DLG2: variants seen among roughly 807,000 people sequenced by gnomAD.
DLG2 encodes the protein disks large homolog 2.
In DLG2, 45 loss-of-function variants were observed where a neutral mutation model predicts 132.5. The ratio of observed to expected loss-of-function variants is 0.34; its 90% CI spans 0.27 to 0.44. The LOEUF is 0.44. Among genes scored for constraint, DLG2 ranks in the 20% least tolerant of loss-of-function variants. The pLI, the probability that DLG2 is intolerant of heterozygous loss-of-function variation, is 1.00. For synonymous variants in DLG2, 424 were observed against 419.6 expected (o/e 1.01, Z -0.13); for missense variants, 1,045 against 1,196.9 (o/e 0.87, Z 1.87).
intron 7 of DLG2, among the ~76,000 whole-genome samples, chr11:84,294,480 C>A (rs1438016112): frequency 6.6e-6 from 1 of 152,064 alleles, no homozygotes; most frequent in African/African-American, 2.4e-5. Flanking sequence ...TGCCTGTAAT[C>A]CCAGCTATCC....
intron 8 of DLG2, among the ~76,000 whole-genome samples, chr11:84,207,630 C>T (rs10898213): frequency 0.77 from 116,855 of 152,062 alleles, 47,240 homozygotes; most frequent in Middle Eastern, 0.92. Flanking sequence ...TCATACACAA[C>T]AAGTATTTTG....
intron 3 of DLG2, among the ~76,000 whole-genome samples, chr11:85,472,296 G>GT (rs1218608791): frequency 6.6e-6 from 1 of 151,916 alleles, no homozygotes; most frequent in Non-Finnish European, 1.5e-5. Context: ...ACTGAGAACT[G>GT]TTTTTTGTTT....
chr11:84,159,022 T>G (rs962306159), intron 9 of DLG2, among the ~76,000 whole-genome samples: 1 of 152,216 alleles, frequency 6.6e-6, no homozygotes, highest in African/African-American at 2.4e-5. Context: ...AGGTTAAGTA[T>G]GTAGTTCAAG....
intron 9 of DLG2, among the ~76,000 whole-genome samples, chr11:84,160,612 G>A (rs376380485): frequency 3.9e-5 from 6 of 152,134 alleles, no homozygotes; most frequent in East Asian, 1.9e-4. Context: ...GTCAGGGGAC[G>A]GTTACTTATT....
chr11:83,807,411 A>G (rs2046186179), intron 17 of DLG2, among the ~76,000 whole-genome samples: 2 of 152,162 alleles, frequency 1.3e-5, no homozygotes, highest in African/African-American at 4.8e-5. Flanking sequence ...CCTGCAGAAA[A>G]CAACTCTCCA....
chr11:85,322,410 T>A (rs1444595468), intron 3 of DLG2, among the ~76,000 whole-genome samples: 1 of 152,106 alleles, frequency 6.6e-6, no homozygotes, highest in Non-Finnish European at 1.5e-5. Context: ...TATACTAGCA[T>A]CTTGGCTGCT....
At chr11:84,596,574 G>A (rs1190084951) in intron 6 of DLG2, among the ~76,000 whole-genome samples, 1 of 151,888 alleles carries the variant, frequency 6.6e-6, no homozygotes, top group African/African-American at 2.4e-5. Flanking sequence ...GCAAATACCA[G>A]CTCAAGGTAA....
chr11:84,539,751 C>T (rs527409700), intron 6 of DLG2, among the ~76,000 whole-genome samples: 1 of 152,264 alleles, frequency 6.6e-6, no homozygotes, highest in Admixed American at 6.5e-5. Flanking sequence ...ATTGCCAAGA[C>T]AATCCTAAGC....
chr11:84,373,269 A>AAAAAAAAAAAAAAAAAAAAAAAC (rs1555532736), intron 7 of DLG2, among the ~76,000 whole-genome samples: 2 of 128,460 alleles, frequency 1.6e-5, no homozygotes, highest in Non-Finnish European at 3.2e-5. Context: ...AAAAAACAAA[A>AAAAAAAAAAAAAAAAAAAAAAAC]CAAAAAAAAA....
intron 24 of DLG2, among the ~76,000 whole-genome samples, chr11:83,470,047 T>A (rs1221457748): frequency 6.6e-6 from 1 of 152,110 alleles, no homozygotes; most frequent in African/African-American, 2.4e-5. Flanking sequence ...TTTTTAATCT[T>A]TGACTCACTT....
chr11:83,598,367 T>C (rs558645112), intron 19 of DLG2, among the ~76,000 whole-genome samples: 37 of 152,324 alleles, frequency 2.4e-4, no homozygotes, highest in African/African-American at 7.9e-4. Context: ...CCCAAGCACA[T>C]ATTTCAGTTT....
At chr11:83,736,322 C>G (rs910741705) in intron 18 of DLG2, among the ~76,000 whole-genome samples, 14 of 152,072 alleles carry the variant, frequency 9.2e-5, no homozygotes, top group African/African-American at 2.9e-4. Flanking sequence ...AAGGGTATTA[C>G]ACAAGTGTTT....
intron 3 of DLG2, among the ~76,000 whole-genome samples, chr11:85,573,192 A>G (rs776134809): frequency 6.6e-6 from 1 of 152,106 alleles, no homozygotes; most frequent in Non-Finnish European, 1.5e-5. Flanking sequence ...CCATAAACCA[A>G]TTAAATCTCT....
intron 6 of DLG2, among the ~76,000 whole-genome samples, chr11:85,109,471 G>C (rs1311450223): frequency 6.6e-6 from 1 of 151,984 alleles, no homozygotes; most frequent in Non-Finnish European, 1.5e-5. Context: ...AATACAACTA[G>C]GACCTAATCT....
chr11:83,904,623 T>C (rs963912985), intron 15 of DLG2, among the ~76,000 whole-genome samples: 6 of 152,178 alleles, frequency 3.9e-5, no homozygotes, highest in African/African-American at 9.7e-5. Context: ...CCTTGAAAGA[T>C]AGACACAGTA....
chr11:84,697,908 C>T (rs2058787112), intron 6 of DLG2, among the ~76,000 whole-genome samples: 1 of 151,242 alleles, frequency 6.6e-6, no homozygotes, highest in African/African-American at 2.4e-5. Context: ...TTGTTTTCCA[C>T]AATAAAAAGT....
intron 3 of DLG2, among the ~76,000 whole-genome samples, chr11:85,420,137 A>T: frequency 6.6e-6 from 1 of 151,886 alleles, no homozygotes; most frequent in East Asian, 1.9e-4. Flanking sequence ...CTTTTTGTGG[A>T]TGTTGATGCT....
intron 9 of DLG2, among the ~76,000 whole-genome samples, chr11:84,135,306 T>C (rs1459005708): frequency 2.0e-5 from 3 of 152,068 alleles, no homozygotes; most frequent in Non-Finnish European, 2.9e-5. Context: ...GGCTACAAAA[T>C]TGTGGCAGGG....
chr11:85,155,278 CAAG>C (rs1211229171), intron 4 of DLG2, among the ~76,000 whole-genome samples: 2 of 152,150 alleles, frequency 1.3e-5, no homozygotes, highest in Non-Finnish European at 2.9e-5. Context: ...GAAATTGGTA[CAAG>C]AAGATGTTGA....
Sources: gnomAD v4.1 joint callset for allele counts (sites outside exome capture counted in the v4.1 genomes callset) on GRCh38, gnomAD v4.1.1 for gene constraint, MANE v1.5 for transcripts, NCBI Gene and HGNC (gene_info 2026-07-23, HGNC 2026-07-21) for gene names.